Variants in KLHL12 observed in about 807,000 individuals in gnomAD.
The protein encoded by KLHL12 is kelch like family member 12, also known as kelch-like protein 12.
A neutral mutation model predicts 60.8 loss-of-function variants in KLHL12; 17 were observed. The ratio of observed to expected loss-of-function variants is 0.28; its 90% confidence interval spans 0.19 to 0.42. The LOEUF is 0.42. KLHL12 is among the 10% of genes least tolerant of loss of function. KLHL12 has a pLI of 1.00. For missense variants in KLHL12, 468 were observed against 722.3 expected (o/e 0.65, Z 4.04); for synonymous variants, 220 against 250.9 (o/e 0.88, Z 1.16).
At position 202,891,410 on chromosome 1, in the gene KLHL12, G is replaced by A. The variant is rs946333279; in HGVS notation, c.*1123C>T. 2 of 152,578 alleles carry A rather than the reference G, an allele frequency of 1.3e-5. No individual in the cohort carries two copies. Among genetic ancestry groups the A allele is most frequent in the Non-Finnish European group, 2.9e-5 (2 of 68,034 alleles). The allele number at this position is 152,578 out of a possible 1,614,324, so 9.5% of individuals were successfully genotyped here. A position where few individuals can be genotyped will look rare whatever the true frequency, so the allele number is the denominator to read the frequency against. On this transcript the variant is annotated 3_prime_UTR_variant, in exon 12 of 12. Coordinates refer to ENST00000367261, the MANE Select transcript of KLHL12 (RefSeq NM_021633.4). ...GTGATGAATAAAATCTACACTAAAGGACAGGTAAGGAAAACTTATAGCAGA... is the reference window on the plus strand; with the variant it reads ...GTGATGAATAAAATCTACACTAAAGAACAGGTAAGGAAAACTTATAGCAGA...
chr1:202,912,442 C>T (rs559125491), intron 4 of KLHL12: 52 of 841,322 alleles, frequency 6.2e-5, no homozygotes, highest in Middle Eastern at 3.4e-4. Context: ...GAGGTGGTTT[C>T]GGTTGGCATG....
At chr1:202,897,082 A>G (rs1196483571) in intron 6 of KLHL12, 122 bp from the exon 7 acceptor site, 6 of 766,324 alleles carry the variant, frequency 7.8e-6, no homozygotes, top group Non-Finnish European at 1.4e-5. Flanking sequence ...GAGGGATGCA[A>G]TCCGAAATGG....
Position 202,909,138 on chromosome 1 carries a change from G to A in KLHL12, c.718-14C>T. Reference sequence around the variant, plus strand: ...GCGGATGAAAGGCTGAAATATAGCAGACAGCAGAGTTAGGCACTGGGGATA... The same window carrying A: ...GCGGATGAAAGGCTGAAATATAGCAAACAGCAGAGTTAGGCACTGGGGATA... On this transcript the variant is annotated splice_polypyrimidine_tract_variant and intron_variant, in intron 5 of 11. Coordinates refer to ENST00000367261, the MANE Select transcript of KLHL12 (RefSeq NM_021633.4). This position sits in a 1 kb window ranked among gnomAD's most constrained non-coding sequence, Gnocchi z 4.1. 1.3e-6 allele frequency: 2 copies of A among 1,552,622 alleles called. No homozygotes were observed. Among genetic ancestry groups the A allele is most frequent in the Non-Finnish European group, 1.8e-6 (2 of 1,124,446 alleles).
intron 2 of KLHL12, among the ~76,000 whole-genome samples, 194 bp downstream of exon 2, chr1:202,924,774 A>G (rs1341388966): frequency 2.6e-5 from 4 of 152,226 alleles, no homozygotes; most frequent in Non-Finnish European, 5.9e-5. Flanking sequence ...TGTGTTACAT[A>G]TTACTATTAT....
rs1225523442 is a variant in KLHL12, at chr1:202,927,136, TG to T, written c.-94del. 1 of 985,034 alleles carries T rather than the reference TG, an allele frequency of 1.0e-6. No homozygotes were observed. Among genetic ancestry groups the T allele is most frequent in the African/African-American group, 1.8e-5 (1 of 57,132 alleles). The allele number at this position is 985,034 out of a possible 1,614,324, so 61.0% of individuals were successfully genotyped here. ...CCGCACCGGGCCCGTCCCCAGCCTG[TG>T]GGGATGGAGTGCGGCGCGGGGCTAG... is the stretch of plus-strand genomic sequence containing the variant. On this transcript the variant is annotated 5_prime_UTR_variant, in exon 1 of 12. Transcript: ENST00000367261.
Position 202,912,270 on chromosome 1 carries a change from T to C in KLHL12, c.568-1067A>G. 3 of 1,004,412 alleles carry C rather than the reference T, an allele frequency of 3.0e-6. No homozygotes were observed. The South Asian group carries it at 3.8e-5, about 13-fold the overall frequency. 62.2% of individuals were successfully genotyped at this position (1,004,412 alleles called of 1,614,324 possible). A position where few individuals can be genotyped will look rare whatever the true frequency, so the allele number is the denominator to read the frequency against. The stretch of plus-strand genomic sequence containing the variant: ...GAAAAGGGGCTTTGCCTTTGTAACC[T>C]TTGATGACCATGACTCTGTGAATAA... On this transcript the variant is annotated intron_variant, in intron 4 of 11. Coordinates refer to ENST00000367261, the MANE Select transcript of KLHL12 (RefSeq NM_021633.4).
At chr1:202,900,175 T>C (rs2102414924) in intron 6 of KLHL12, among the ~76,000 whole-genome samples, 1 of 152,200 alleles carries the variant, frequency 6.6e-6, no homozygotes, top group Middle Eastern at 3.4e-3. Context: ...AGTTTTCTAT[T>C]GATTTTTCAG....
rs1313576697 is a variant in KLHL12 at position 202,895,720 on chromosome 1, A to G, written c.940-3T>C. 6.2e-7 allele frequency: 1 copy of G among 1,612,880 alleles called. No individual in the cohort carries two copies. The highest frequency in any genetic ancestry group is 8.5e-7 in the Non-Finnish European group (1 of 1,179,120). ...TAACGTCTCTTACGAGTGATGCTCT[A>G]TGGATTTGGAGAGAAGAGGTACAGA... On this transcript the variant is annotated splice_region_variant and splice_polypyrimidine_tract_variant and intron_variant, in intron 7 of 11. Transcript: ENST00000367261. This position sits in a 1 kb window ranked among gnomAD's most constrained non-coding sequence, Gnocchi z 4.2.
upstream of KLHL12, chr1:202,927,256 T>C: frequency 2.0e-6 from 2 of 984,022 alleles, no homozygotes; most frequent in Non-Finnish European, 2.4e-6. Flanking sequence ...CCGCGCGACG[T>C]GATGACGCAA....
Position 202,894,301 on chromosome 1 carries a change from TC to T in KLHL12, c.1295-20del. On this transcript the variant is annotated intron_variant, in intron 9 of 11. Transcript: ENST00000367261. ...TATCCTCCTGGAAGACAGAGACCAT[TC>T]CAGAAAGAGTGGTAAATCCTCATGC... 1 of 1,497,784 alleles carries T rather than the reference TC, an allele frequency of 6.7e-7. No homozygotes were observed. Among genetic ancestry groups the T allele is most frequent in the Non-Finnish European group, 9.1e-7 (1 of 1,097,070 alleles). 92.8% of individuals were successfully genotyped at this position (1,497,784 alleles called of 1,614,324 possible).
chr1:202,892,668 G>C lies in KLHL12; in HGVS notation c.1581-9C>G, dbSNP rs1365488592. ...GGGAATTACCATCATATCTGAGTGG[G>C]AAAGAAGCAAAAGAAAGAAATGAGT... On this transcript the variant is annotated splice_polypyrimidine_tract_variant and intron_variant, in intron 11 of 11. Transcript: ENST00000367261. The C allele has an allele frequency of 6.2e-7, 1 of 1,612,660 alleles. No homozygotes were observed. Among genetic ancestry groups the C allele is most frequent in the Admixed American group, 1.7e-5 (1 of 59,996 alleles).
intron 3 of KLHL12, 103 bp downstream of exon 3, chr1:202,919,652 C>A: frequency 9.2e-7 from 1 of 1,082,758 alleles, no homozygotes; most frequent in Non-Finnish European, 1.3e-6. Flanking sequence ...CATGAACATC[C>A]ATAGTTTGTC....
intron 6 of KLHL12, among the ~76,000 whole-genome samples, chr1:202,901,352 A>G (rs995262593): frequency 6.6e-6 from 1 of 150,722 alleles, no homozygotes; most frequent in African/African-American, 2.4e-5. Flanking sequence ...CACAGCATCG[A>G]CCTCCCAGGC....
intron 2 of KLHL12, among the ~76,000 whole-genome samples, chr1:202,924,165 C>T (rs1343839417): frequency 6.6e-6 from 1 of 152,218 alleles, no homozygotes; most frequent in Non-Finnish European, 1.5e-5. Context: ...CAGGCAATTA[C>T]TAAGTAGTGT....
intron 1 of KLHL12, 116 bp from the exon 2 acceptor site, chr1:202,925,323 A>C: frequency 8.3e-7 from 1 of 1,208,124 alleles, no homozygotes. Context: ...AAACATACAC[A>C]AGTTGAGGGC....
rs1272318669 is a variant in KLHL12 at position 202,924,994 on chromosome 1, A to T, written c.169T>A (p.Tyr57Asn). 2 of 1,614,212 alleles carry T rather than the reference A, an allele frequency of 1.2e-6. No homozygotes were observed. The highest frequency in any genetic ancestry group is 1.7e-6 in the Non-Finnish European group (2 of 1,180,024). Residue 57 changes from tyrosine (Y) to asparagine (N), a missense_variant, in exon 2 of 12, where the codon TAC becomes AAC. Tyr to Asn is a moderately radical substitution (Grantham distance 143). This residue lies in a region of KLHL12 where 339 missense variants were observed against 525.0 expected (regional missense o/e 0.65). Coordinates refer to ENST00000367261, the MANE Select transcript of KLHL12 (RefSeq NM_021633.4). ...HRIVLAACSD[Y>N]FCAMFTSELS... ...TCACTAGTGAACATGGCACAGAAGTAATCACTACAGGCAGCCAGCACAATC... is the reference window on the plus strand; with the variant it reads ...TCACTAGTGAACATGGCACAGAAGTTATCACTACAGGCAGCCAGCACAATC...
intron 2 of KLHL12, among the ~76,000 whole-genome samples, chr1:202,924,521 AG>A (rs1653426567): frequency 6.6e-6 from 1 of 152,190 alleles, no homozygotes; most frequent in Admixed American, 6.5e-5. Flanking sequence ...CCACTCTGGG[AG>A]GCCAAGGCAG....
chr1:202,911,225 C>T, intron 4 of KLHL12, 22 bp from the exon 5 acceptor site: 2 of 1,611,564 alleles, frequency 1.2e-6, no homozygotes, highest in Non-Finnish European at 1.7e-6. Flanking sequence ...TAATTACACA[C>T]CGTGGATCCT....
intron 7 of KLHL12, among the ~76,000 whole-genome samples, chr1:202,896,420 GCCTCAAGAGAT>G (rs1418756147): frequency 6.6e-6 from 1 of 152,130 alleles, no homozygotes; most frequent in East Asian, 1.9e-4. Context: ...TGAACTCCTG[GCCTCAAGAGAT>G]CCTCCCATCT....
Sources: gnomAD v4.1 joint callset for allele counts (sites outside exome capture counted in the v4.1 genomes callset) on GRCh38, gnomAD v4.1.1 for gene constraint, gnomAD v4.1.1 regional missense constraint, Gnocchi (gnomAD v3.1) non-coding constraint, MANE v1.5 for transcripts, NCBI Gene and HGNC (gene_info 2026-07-23, HGNC 2026-07-21) for gene names.